PRMT7: variants seen among roughly 807,000 people sequenced by gnomAD.
PRMT7 encodes protein arginine N-methyltransferase 7.
PRMT7 carries 75 observed loss-of-function variants against 85.4 expected under a neutral mutation model. The ratio of observed to expected loss-of-function variants is 0.88; its 90% CI spans 0.73 to 1.06. The LOEUF is 1.06. Among genes scored for constraint, PRMT7 ranks in the 50% least tolerant of loss-of-function variants. The pLI is 0.00. For synonymous variants in PRMT7, 397 were observed against 359.5 expected (o/e 1.10, Z -1.18); for missense variants, 868 against 915.2 (o/e 0.95, Z 0.67).
rs1368995315 is a variant in PRMT7 at position 68,353,476 on chromosome 16, T to C, written c.1576-16T>C. 1.2e-6 allele frequency: 2 copies of C among 1,610,276 alleles called. No individual in the cohort carries two copies. The highest frequency in any genetic ancestry group is 1.7e-6 in the Non-Finnish European group (2 of 1,178,640). On this transcript the variant is annotated splice_polypyrimidine_tract_variant and intron_variant, in intron 15 of 18. Transcript: ENST00000441236. ...CCTGGCGGGCGGGTGTGGACGGGGCTGCTCCTTCCTCACAGGACCTGTGGC... is the reference window on the plus strand; with the variant it reads ...CCTGGCGGGCGGGTGTGGACGGGGCCGCTCCTTCCTCACAGGACCTGTGGC...
At chr16:68,317,252 AAAAATTACAGCAC>A (rs2151372130) in intron 3 of PRMT7, among the ~76,000 whole-genome samples, 1 of 151,748 alleles carries the variant, frequency 6.6e-6, no homozygotes, top group Admixed American at 6.6e-5. Context: ...AAAAAAAAAA[AAAAATTACAGCAC>A]AGTGAGATAA....
At chr16:68,343,292 A>T (rs945610612) in intron 9 of PRMT7, among the ~76,000 whole-genome samples, 23 of 152,158 alleles carry the variant, frequency 1.5e-4, no homozygotes, top group African/African-American at 5.6e-4. Flanking sequence ...TAGTAGACAA[A>T]CAAGGTAACC....
At position 68,352,327 on chromosome 16, in the gene PRMT7, C is replaced by A; in HGVS notation, c.1493C>A (p.Thr498Asn). 6.2e-7 allele frequency: 1 copy of A among 1,612,904 alleles called. No individual in the cohort carries two copies. Residue 498 changes from threonine to asparagine, a missense_variant, in exon 15 of 19, where the codon ACC becomes AAC. Physicochemically the swap from Thr to Asn is moderately conservative, Grantham distance 65. Transcript: ENST00000441236. ...WHNLYFWYVR[T>N]AVDQHLGPGA... ...AACCTCTACTTCTGGTACGTGCGGA[C>A]CGCTGTGGACCAGCACCTGGGGCCA...
chr16:68,312,529 G>A (rs60143668), intron 2 of PRMT7, among the ~76,000 whole-genome samples: 42 of 152,142 alleles, frequency 2.8e-4, no homozygotes, highest in African/African-American at 9.6e-4. Flanking sequence ...AGCCACCACC[G>A]CCTAGCAAAT....
chr16:68,347,397 C>G, intron 12 of PRMT7, 103 bp downstream of exon 12: 2 of 1,253,926 alleles, frequency 1.6e-6, no homozygotes, highest in South Asian at 1.5e-5. Context: ...TTGCAAAGGC[C>G]ACTGTTGTGG....
intron 3 of PRMT7, among the ~76,000 whole-genome samples, chr16:68,317,959 G>A (rs944501282): frequency 2.6e-5 from 4 of 152,210 alleles, no homozygotes; most frequent in Admixed American, 1.3e-4. Context: ...AAGCATACGC[G>A]GGGTCATTTT....
chr16:68,316,403 G>A (rs1192204649), intron 3 of PRMT7, among the ~76,000 whole-genome samples: 1 of 152,104 alleles, frequency 6.6e-6, no homozygotes, highest in Non-Finnish European at 1.5e-5. Flanking sequence ...TTCATCATAT[G>A]GTTAAATTCT....
At position 68,356,512 on chromosome 16, in the gene PRMT7, G is replaced by A. The variant is rs936562559; in HGVS notation, c.1812-189G>A. Reference sequence around the variant, plus strand: ...AGGGCTCGGGTTGGCTCAGGTGGGGGCTTGGCTGCGGCTCTTCTGGCTGGG... The same window carrying A: ...AGGGCTCGGGTTGGCTCAGGTGGGGACTTGGCTGCGGCTCTTCTGGCTGGG... On this transcript the variant is annotated intron_variant, in intron 17 of 18. Transcript: ENST00000441236. Among the ~76,000 whole-genome samples, 5 of 152,258 alleles carry A rather than the reference G, an allele frequency of 3.3e-5. No homozygotes were observed. The South Asian group carries it at 6.2e-4, about 19-fold the overall frequency.
At position 68,357,101 on chromosome 16, in the gene PRMT7, C is replaced by T; in HGVS notation, c.1956C>T (p.Phe652=). 13 of 1,613,638 alleles carry T rather than the reference C, an allele frequency of 8.1e-6. No individual in the cohort carries two copies. The highest frequency in any genetic ancestry group is 1.3e-5 in the African/African-American group (1 of 75,062). ...ACTGCAAGCAGGCCGTCTACTTCTT[C>T]AGCCCTGCCCCAGATCCCAGAGCAC... The part of the protein sequence containing the change: ...NPHCKQAVYF[F]SPAPDPRALL... Residue 652 remains phenylalanine, a synonymous_variant, in exon 19 of 19, where the codon TTC becomes TTT. Coordinates refer to ENST00000441236, the MANE Select transcript of PRMT7 (RefSeq NM_019023.5).
chr16:68,333,481 CAAAAAA>C (rs892258971), intron 6 of PRMT7, among the ~76,000 whole-genome samples: 1 of 90,930 alleles, frequency 1.1e-5, no homozygotes, highest in Non-Finnish European at 2.3e-5. Context: ...AATTCTGGCT[CAAAAAA>C]AAAAAAAAAG....
At chr16:68,341,326 T>G (rs1448606819) in intron 9 of PRMT7, among the ~76,000 whole-genome samples, 1 of 152,192 alleles carries the variant, frequency 6.6e-6, no homozygotes, top group African/African-American at 2.4e-5. Flanking sequence ...ATAAAGACTT[T>G]AATTGACACG....
At position 68,345,713 on chromosome 16, in the gene PRMT7, A is replaced by G. The variant is rs201600579; in HGVS notation, c.966A>G (p.Pro322=). 3.1e-6 allele frequency: 5 copies of G among 1,613,752 alleles called. No homozygotes were observed. The highest frequency in any genetic ancestry group is 4.5e-5 in the East Asian group (2 of 44,870). The part of the protein sequence containing the change: ...DHWMQCVYFL[P]QEEPVVQGSA... ...GGATGCAGTGTGTGTACTTCCTGCC[A>G]CAAGAGGAGCCTGTGGTGCAGGGCT... Residue 322 remains proline (P), a synonymous_variant, in exon 10 of 19, where the codon CCA becomes CCG. Coordinates refer to ENST00000441236, the MANE Select transcript of PRMT7 (RefSeq NM_019023.5).
At chr16:68,337,771 A>C (rs2084918493) in intron 7 of PRMT7, among the ~76,000 whole-genome samples, 200 bp downstream of exon 7, 1 of 152,242 alleles carries the variant, frequency 6.6e-6, no homozygotes, top group Non-Finnish European at 1.5e-5. Flanking sequence ...AATAGGTTAG[A>C]GTTGAAAAGC....
intron 6 of PRMT7, 34 bp downstream of exon 6, chr16:68,329,208 C>T: frequency 2.0e-6 from 3 of 1,477,016 alleles, no homozygotes; most frequent in Non-Finnish European, 2.8e-6. Context: ...GAAAGCTTTG[C>T]TTGCTCTTGT....
chr16:68,350,571 G>A (rs1234785646), intron 14 of PRMT7, among the ~76,000 whole-genome samples: 1 of 152,058 alleles, frequency 6.6e-6, no homozygotes, highest in African/African-American at 2.4e-5. Flanking sequence ...GTCTATTCAA[G>A]CCTTTTGCCC....
At chr16:68,347,426 A>C in intron 12 of PRMT7, 132 bp downstream of exon 12, 1 of 1,093,276 alleles carries the variant, frequency 9.1e-7, no homozygotes, top group Non-Finnish European at 1.3e-6. Flanking sequence ...TGCTCGGGTC[A>C]GGGGCTGGGG....
chr16:68,325,009 C>T lies in PRMT7; in HGVS notation c.282+177C>T, dbSNP rs796339407. On this transcript the variant is annotated intron_variant, in intron 5 of 18. Coordinates refer to ENST00000441236, the MANE Select transcript of PRMT7 (RefSeq NM_019023.5). ...CAGACACAGTTCCTTCCTCCAGGAG[C>T]TAATTTTCTCCTCTGTCAGCCTAGG... 7.7e-5 allele frequency: 57 copies of T among 736,938 alleles called. No individual in the cohort carries two copies. In the African/African-American group the frequency reaches 8.5e-4, roughly 11 times the overall value. The allele number at this position is 736,938 out of a possible 1,614,324, so 45.6% of individuals were successfully genotyped here.
rs1384543806 is a variant in PRMT7 at position 68,348,427 on chromosome 16, G to T, written c.1409G>T (p.Arg470Ile). The change falls in exon 14 of 19, where the codon AGA (arginine) becomes ATA (isoleucine). Residue 470 changes from arginine to isoleucine, a missense_variant. Arg to Ile is a moderately conservative substitution (Grantham distance 97, BLOSUM62 -3). Transcript: ENST00000441236. ...TTAACAAATGAGGACCTACAGGGCA[G>T]AAAGGTGAGTAGCGGGAGCCTTTTG... ...ELLTNEDLQG[R>I]KVSLLLGEPF... 6.2e-7 allele frequency: 1 copy of T among 1,609,640 alleles called. No individual in the cohort carries two copies. The highest frequency in any genetic ancestry group is 1.7e-5 in the Admixed American group (1 of 59,988).
chr16:68,318,446 G>C (rs996445048), intron 3 of PRMT7, among the ~76,000 whole-genome samples: 11 of 152,170 alleles, frequency 7.2e-5, no homozygotes, highest in Non-Finnish European at 1.3e-4. Context: ...TGATCCGCCC[G>C]CCTCGGCCTC....
Sources: allele counts gnomAD v4.1 joint callset (sites outside exome capture counted in the v4.1 genomes callset), GRCh38; gene constraint gnomAD v4.1.1; transcripts MANE v1.5; gene names NCBI Gene and HGNC (gene_info 2026-07-23, HGNC 2026-07-21).